Variants in DGKB observed in about 807,000 individuals in gnomAD.
The protein encoded by DGKB is 90 kDa diacylglycerol kinase.
A neutral mutation model predicts 114.3 loss-of-function variants in DGKB; 67 were observed. The observed-to-expected ratio is 0.59, with a 90% CI of 0.48 to 0.72. The LOEUF is 0.72. Ranked by LOEUF, DGKB falls within the 30% of genes least tolerant of loss-of-function variation. The pLI is 0.00. For missense variants in DGKB, 907 were observed against 975.2 expected, an observed-to-expected ratio of 0.93 and a Z score of 0.93; for synonymous variants, 398 against 323.1, an observed-to-expected ratio of 1.23 and a Z score of -2.49.
chr7:14,478,303 A>T, intron 20 of DGKB, 78 bp from the exon 21 acceptor site: 1 of 859,404 alleles, frequency 1.2e-6, no homozygotes, highest in Non-Finnish European at 1.7e-6. Flanking sequence ...CTAAATAAAA[A>T]AATAACATTT....
chr7:14,971,762 A>AT (rs71004349), intron 1 of DGKB, among the ~76,000 whole-genome samples: 5,706 of 139,162 alleles, frequency 0.041, 335 homozygotes, highest in African/African-American at 0.13. Context: ...TATTGAAAGC[A>AT]TTTTTTTTTT....
chr7:14,310,080 TGAAG>T (rs1805119269), intron 23 of DGKB, among the ~76,000 whole-genome samples: 1 of 152,066 alleles, frequency 6.6e-6, no homozygotes, highest in Non-Finnish European at 1.5e-5. Flanking sequence ...CCACGGAAGA[TGAAG>T]GAAGAAGGGA....
At chr7:14,786,815 G>A (rs1048044223) in intron 2 of DGKB, among the ~76,000 whole-genome samples, 30 of 152,352 alleles carry the variant, frequency 2.0e-4, no homozygotes, top group African/African-American at 7.0e-4. Flanking sequence ...AGGGGCCACT[G>A]AGGATGGCTC....
intron 21 of DGKB, among the ~76,000 whole-genome samples, chr7:14,472,432 C>G (rs940259913): frequency 8.5e-5 from 13 of 152,174 alleles, no homozygotes; most frequent in African/African-American, 3.1e-4. Context: ...TGAGGCTTTC[C>G]CAGCCATGTG....
At chr7:14,504,019 T>C (rs140887676) in intron 20 of DGKB, among the ~76,000 whole-genome samples, 2 of 152,290 alleles carry the variant, frequency 1.3e-5, no homozygotes, top group Non-Finnish European at 2.9e-5. Flanking sequence ...AAAAGATGTT[T>C]TCTTAACTGG....
intron 1 of DGKB, among the ~76,000 whole-genome samples, chr7:14,948,503 G>T (rs1330606646): frequency 6.6e-6 from 1 of 151,730 alleles, no homozygotes; most frequent in Non-Finnish European, 1.5e-5. Context: ...TCCACCTTAA[G>T]ATATAAGCAA....
At chr7:14,679,038 C>A (rs1820377399) in intron 12 of DGKB, among the ~76,000 whole-genome samples, 2 of 151,814 alleles carry the variant, frequency 1.3e-5, no homozygotes, top group Admixed American at 6.6e-5. Flanking sequence ...GTCAGTTGGG[C>A]TTAGGATTTA....
chr7:14,615,432 G>A (rs892451773), intron 15 of DGKB, among the ~76,000 whole-genome samples: 3 of 151,832 alleles, frequency 2.0e-5, no homozygotes, highest in African/African-American at 7.2e-5. Flanking sequence ...GTCAAGTAAA[G>A]GGGAATTAAA....
In DGKB at chr7:14,170,142, AAAAAAAGAAAGAAAGAAAG is replaced by A. The variant is rs1447612211; in HGVS notation, c.2304+6678_2304+6696del. ...AGAGAGAAACTCCATCTCAAAAAAA[AAAAAAAGAAAGAAAGAAAG>A]AAAGAAAGAAAGAAAGAAAGAAAGA... On this transcript the variant is annotated intron_variant, in intron 25 of 25. Coordinates refer to ENST00000402815, the MANE Select transcript of DGKB (RefSeq NM_001350709.2). Among the ~76,000 whole-genome samples, 23 of 123,542 alleles carry A rather than the reference AAAAAAAGAAAGAAAGAAAG, an allele frequency of 1.9e-4. 1 individual carries two copies. The highest frequency in any genetic ancestry group is 7.3e-4 in the African/African-American group (22 of 29,988). 81.0% of individuals were successfully genotyped at this position (123,542 alleles called of 152,430 possible). A position where few individuals can be genotyped will look rare whatever the true frequency, so the allele number is the denominator to read the frequency against.
intron 1 of DGKB, among the ~76,000 whole-genome samples, chr7:14,861,254 C>T (rs1377056167): frequency 6.6e-6 from 1 of 151,906 alleles, no homozygotes; most frequent in East Asian, 1.9e-4. Context: ...AAAACTATTT[C>T]TGCTCAGTTA....
chr7:14,217,565 A>G (rs1390330057), intron 23 of DGKB, among the ~76,000 whole-genome samples: 1 of 152,094 alleles, frequency 6.6e-6, no homozygotes, highest in East Asian at 1.9e-4. Flanking sequence ...AGGTTTATAT[A>G]AAAGTCATAT....
chr7:14,149,222 T>C lies in DGKB; in HGVS notation c.2321A>G (p.Lys774Arg), dbSNP rs1781813524. The C allele has an allele frequency of 6.2e-7, 1 of 1,612,616 alleles. No individual in the cohort carries two copies. The highest frequency in any genetic ancestry group is 1.1e-5 in the South Asian group (1 of 90,994). ...GCCCATCAGCATTGGGGCTTGGTTC[T>C]TGTGTGTAATTTTTATCTAGAAAAA... is the stretch of plus-strand genomic sequence containing the variant. ...QTPCTIKITH[K>R]NQAPMLMGPP... The change falls in exon 26 of 26, where the codon AAG becomes AGG. Residue 774 changes from lysine to arginine, a missense_variant. Lys to Arg is a conservative substitution (Grantham distance 26, BLOSUM62 2). Transcript: ENST00000402815.
intron 6 of DGKB, among the ~76,000 whole-genome samples, chr7:14,703,291 T>A (rs1412921920): frequency 2.0e-5 from 3 of 152,304 alleles, no homozygotes; most frequent in East Asian, 3.9e-4. Context: ...AGTAAATGAC[T>A]GCAAAATGAC....
intron 1 of DGKB, among the ~76,000 whole-genome samples, chr7:14,854,620 G>A (rs1179711821): frequency 6.6e-6 from 1 of 152,152 alleles, no homozygotes; most frequent in Non-Finnish European, 1.5e-5. Flanking sequence ...TCTAACAGGA[G>A]GCGGAGCTCA....
intron 20 of DGKB, among the ~76,000 whole-genome samples, chr7:14,510,586 C>T (rs926036022): frequency 1.5e-4 from 23 of 152,220 alleles, no homozygotes; most frequent in Middle Eastern, 3.4e-3. Context: ...GGGTTGGCAT[C>T]AACTTCTTAC....
intron 17 of DGKB, 121 bp downstream of exon 17, chr7:14,607,313 C>A: frequency 1.7e-6 from 1 of 594,174 alleles, no homozygotes; most frequent in Non-Finnish European, 3.0e-6. Flanking sequence ...GTTGATATTT[C>A]ATTTTTATGT....
At chr7:14,765,684 A>G (rs1444220042) in intron 2 of DGKB, among the ~76,000 whole-genome samples, 1 of 151,996 alleles carries the variant, frequency 6.6e-6, no homozygotes, top group Non-Finnish European at 1.5e-5. Flanking sequence ...CCTATGAAAT[A>G]ATTTCCACCT....
chr7:14,611,199 C>T (rs1264150238), intron 16 of DGKB, among the ~76,000 whole-genome samples: 1 of 152,084 alleles, frequency 6.6e-6, no homozygotes, highest in Admixed American at 6.6e-5. Context: ...ACTTTGATAG[C>T]ACTTTTATCT....
rs1194825396 is a variant in DGKB at position 14,503,412 on chromosome 7, A to G, written c.1771-25187T>C. Among the ~76,000 whole-genome samples, 3 of 152,184 alleles carry G rather than the reference A, an allele frequency of 2.0e-5. No homozygotes were observed. In the East Asian group the frequency reaches 5.8e-4, roughly 29 times the overall value. On this transcript the variant is annotated intron_variant, in intron 20 of 25. Coordinates refer to ENST00000402815, the MANE Select transcript of DGKB (RefSeq NM_001350709.2). ...TGCTTTCTCTCTTCTATAACACTGC[A>G]TGAATTACTTCTATTACCTTATTTT...
Sources: gnomAD v4.1 joint callset for allele counts (sites outside exome capture counted in the v4.1 genomes callset) on GRCh38, gnomAD v4.1.1 for gene constraint, MANE v1.5 for transcripts, NCBI Gene and HGNC (gene_info 2026-07-23, HGNC 2026-07-21) for gene names.